NTM: variants seen among roughly 807,000 people sequenced by gnomAD.
NTM encodes the protein IgLON family member 2.
A neutral mutation model predicts 42.1 loss-of-function variants in NTM; 13 were observed. That is an observed-to-expected ratio of 0.31 (90% confidence interval 0.20 to 0.49). The LOEUF (loss-of-function observed/expected upper bound fraction) is 0.49. Among genes scored for constraint, NTM ranks in the 20% least tolerant of loss-of-function variants. The pLI, the probability that NTM is intolerant of heterozygous loss-of-function variation, is 0.99. For synonymous variants in NTM, 187 were observed against 179.2 expected (o/e 1.04, Z -0.35); for missense variants, 373 against 452.8 (o/e 0.82, Z 1.60).
At position 131,707,998 on chromosome 11, in the gene NTM, C is replaced by T. The variant is rs529139448; in HGVS notation, c.83-203566C>T. Among the ~76,000 whole-genome samples the T allele has an allele frequency of 2.5e-3, 377 of 152,202 alleles. 3 individuals carry two copies. Among genetic ancestry groups the T allele is most frequent in the African/African-American group, 8.5e-3 (355 of 41,550 alleles). ...TTGCCTCTCTTTGTATTGAAGGGAT[C>T]TTACACAGAGGAAACTCTAAAGACT... On this transcript the variant is annotated intron_variant, in intron 1 of 8. Coordinates refer to ENST00000683400, the MANE Select transcript of NTM (RefSeq NM_001352005.2).
intron 1 of NTM, among the ~76,000 whole-genome samples, chr11:131,449,246 G>C (rs1263939880): frequency 6.6e-6 from 1 of 151,224 alleles, no homozygotes; most frequent in Admixed American, 6.6e-5. Flanking sequence ...AGGACAGCCG[G>C]GGACTGCTGG....
intron 1 of NTM, among the ~76,000 whole-genome samples, chr11:131,511,327 C>A (rs1410559231): frequency 6.6e-6 from 1 of 152,194 alleles, no homozygotes; most frequent in Non-Finnish European, 1.5e-5. Flanking sequence ...GGGACACCAG[C>A]CAGTGGGAAG....
intron 2 of NTM, among the ~76,000 whole-genome samples, chr11:132,063,992 A>C (rs959782453): frequency 3.3e-5 from 5 of 152,220 alleles, no homozygotes; most frequent in African/African-American, 1.2e-4. Flanking sequence ...GTACTTTAGC[A>C]CGTGGGCACC....
At chr11:132,289,858 C>T (rs999958297) in intron 4 of NTM, among the ~76,000 whole-genome samples, 10 of 152,136 alleles carry the variant, frequency 6.6e-5, no homozygotes, top group African/African-American at 2.2e-4. Flanking sequence ...CCGGACTCTC[C>T]GTCTTACAAG....
In NTM at chr11:132,249,516, C is replaced by T. The variant is rs977002999; in HGVS notation, c.526+37369C>T. 6.6e-5 allele frequency among the ~76,000 whole-genome samples: 10 copies of T among 152,298 alleles called. No homozygotes were observed. In the East Asian group the frequency reaches 1.5e-3, roughly 23 times the overall value. On this transcript the variant is annotated intron_variant, in intron 4 of 8. Coordinates refer to ENST00000683400, the MANE Select transcript of NTM (RefSeq NM_001352005.2). The stretch of plus-strand genomic sequence containing the variant: ...CTTGTGTGATGCCCAGAAGGACTGG[C>T]GGCAGGAGGAAATTCCTGGAGAAAT...
intron 4 of NTM, chr11:132,284,159 G>A (rs773972921): frequency 1.3e-5 from 2 of 152,282 alleles, no homozygotes; most frequent in Non-Finnish European, 2.9e-5. Context: ...AACCCTCCAA[G>A]GTGAGCCCCC....
At chr11:131,430,771 C>T (rs1948583741) in intron 1 of NTM, among the ~76,000 whole-genome samples, 1 of 152,234 alleles carries the variant, frequency 6.6e-6, no homozygotes, top group South Asian at 2.1e-4. Context: ...GCCTGTTTTC[C>T]TCTGTTGGAG....
At chr11:131,411,154 G>A (rs535906080) in intron 1 of NTM, among the ~76,000 whole-genome samples, 15 of 152,278 alleles carry the variant, frequency 9.9e-5, no homozygotes, top group African/African-American at 3.6e-4. Context: ...TTCCTTGTGA[G>A]GGTTTCATGG....
intron 1 of NTM, among the ~76,000 whole-genome samples, chr11:131,446,317 C>G (rs1170284073): frequency 2.0e-5 from 3 of 152,158 alleles, no homozygotes; most frequent in Non-Finnish European, 2.9e-5. Flanking sequence ...GGTGTTTTCC[C>G]AAATTCACCA....
At chr11:131,709,883 G>T (rs899608393) in intron 1 of NTM, among the ~76,000 whole-genome samples, 5 of 152,186 alleles carry the variant, frequency 3.3e-5, no homozygotes, top group Non-Finnish European at 7.3e-5. Flanking sequence ...CAAGAGGAAA[G>T]AGTCCTCGTG....
intron 2 of NTM, among the ~76,000 whole-genome samples, chr11:132,029,033 G>A (rs1267743103): frequency 2.0e-5 from 3 of 147,892 alleles, no homozygotes; most frequent in South Asian, 2.2e-4. Flanking sequence ...ACTGGCTCCC[G>A]TAGAGGGTTG....
chr11:132,083,991 TA>T (rs200817671), intron 2 of NTM, among the ~76,000 whole-genome samples: 16 of 151,362 alleles, frequency 1.1e-4, no homozygotes, highest in South Asian at 2.1e-4. Context: ...AAGCAAAAGT[TA>T]AAAAAAAAGA....
Position 131,670,251 on chromosome 11 carries a change from T to G in NTM, c.83-241313T>G, listed in dbSNP as rs79349244. Reference sequence around the variant, plus strand: ...CACCCTCATCCCCTTTGGCAAAAAGTGGGCTCGGAGGTTTTAAGCAAAATG... The same window carrying G: ...CACCCTCATCCCCTTTGGCAAAAAGGGGGCTCGGAGGTTTTAAGCAAAATG... On this transcript the variant is annotated intron_variant, in intron 1 of 8. Coordinates refer to ENST00000683400, the MANE Select transcript of NTM (RefSeq NM_001352005.2). 6.6e-3 allele frequency among the ~76,000 whole-genome samples: 1,000 copies of G among 152,120 alleles called. 14 individuals are homozygous for G. Among genetic ancestry groups the G allele is most frequent in the African/African-American group, 0.023 (946 of 41,476 alleles).
chr11:131,996,418 G>C (rs781357559), intron 2 of NTM, among the ~76,000 whole-genome samples: 4 of 152,114 alleles, frequency 2.6e-5, no homozygotes, highest in African/African-American at 4.8e-5. Context: ...CTGAAATGTG[G>C]GTTGTTCTTT....
chr11:131,381,019 G>A (rs910610906), intron 1 of NTM, among the ~76,000 whole-genome samples: 3 of 152,108 alleles, frequency 2.0e-5, no homozygotes, highest in African/African-American at 7.2e-5. Context: ...GGATGTTATG[G>A]ATACCTATGT....
chr11:131,701,785 T>C (rs1362957305), intron 1 of NTM, among the ~76,000 whole-genome samples: 3 of 151,788 alleles, frequency 2.0e-5, no homozygotes, highest in African/African-American at 7.3e-5. Context: ...CTCTACTCCA[T>C]CAGATGGAAG....
chr11:132,037,093 C>A (rs1378059393), intron 2 of NTM, among the ~76,000 whole-genome samples: 1 of 152,224 alleles, frequency 6.6e-6, no homozygotes, highest in Non-Finnish European at 1.5e-5. Context: ...GAAGTTTGAT[C>A]CCTGATGTTG....
intron 1 of NTM, among the ~76,000 whole-genome samples, chr11:131,876,586 A>G (rs936847008): frequency 6.6e-6 from 1 of 152,258 alleles, no homozygotes; most frequent in Non-Finnish European, 1.5e-5. Flanking sequence ...AAGCAGGTCA[A>G]ATTCTGCCAT....
At chr11:131,839,376 T>A (rs1199064332) in intron 1 of NTM, among the ~76,000 whole-genome samples, 1 of 152,172 alleles carries the variant, frequency 6.6e-6, no homozygotes, top group African/African-American at 2.4e-5. Flanking sequence ...GAGGTTGGTG[T>A]CATTTATAAG....
Sources: allele counts gnomAD v4.1 joint callset (sites outside exome capture counted in the v4.1 genomes callset), GRCh38; gene constraint gnomAD v4.1.1; transcripts MANE v1.5; gene names NCBI Gene and HGNC (gene_info 2026-07-23, HGNC 2026-07-21).